Variants in RHOT1 observed in about 807,000 individuals in gnomAD.
RHOT1 encodes the protein ras homolog family member T1.
In RHOT1, 27 loss-of-function variants were observed where a neutral mutation model predicts 95.3. The ratio of observed to expected loss-of-function variants is 0.28; its 90% CI spans 0.21 to 0.39. The LOEUF (loss-of-function observed/expected upper bound fraction) is 0.39. Ranked by LOEUF, RHOT1 falls within the 10% of genes least tolerant of loss-of-function variation. The pLI, the probability that RHOT1 is intolerant of heterozygous loss-of-function variation, is 1.00. For missense variants in RHOT1, 578 were observed against 786.7 expected (o/e 0.73, Z 3.17); for synonymous variants, 227 against 263.5 (o/e 0.86, Z 1.34).
At chr17:32,183,583 T>C (rs536694899) in intron 8 of RHOT1, among the ~76,000 whole-genome samples, 3 of 152,340 alleles carry the variant, frequency 2.0e-5, no homozygotes, top group Admixed American at 2.0e-4. Flanking sequence ...GTTTTGCTAC[T>C]ATAAAATCTA....
rs535164756 is a variant in RHOT1, at chr17:32,148,436, C to G, written c.37+5707C>G. Among the ~76,000 whole-genome samples, 3 of 152,308 alleles carry G rather than the reference C, an allele frequency of 2.0e-5. No individual in the cohort carries two copies. The South Asian group carries it at 6.2e-4, about 32-fold the overall frequency. On this transcript the variant is annotated intron_variant, in intron 1 of 19. Transcript: ENST00000545287. ...CGTACAGAGTCCTTTCTATAACATC[C>G]TCACATATGTACTGAAACCTATTCT...
chr17:32,182,917 A>T (rs749139183), intron 7 of RHOT1, 52 bp downstream of exon 7: 7 of 1,230,220 alleles, frequency 5.7e-6, no homozygotes, highest in Non-Finnish European at 8.2e-6. Flanking sequence ...TTCTTACTAA[A>T]TTCGGGTTTT....
At chr17:32,202,497 T>C (rs1252583759) in intron 14 of RHOT1, among the ~76,000 whole-genome samples, 2 of 152,224 alleles carry the variant, frequency 1.3e-5, no homozygotes, top group Non-Finnish European at 2.9e-5. Context: ...TATGAAAATA[T>C]ACTATTTTAT....
At chr17:32,164,776 AGGATCGTT>A (rs2033892744) in intron 1 of RHOT1, among the ~76,000 whole-genome samples, 5 of 151,964 alleles carry the variant, frequency 3.3e-5, no homozygotes, top group Admixed American at 2.6e-4. Context: ...CTGAGGTGGG[AGGATCGTT>A]GATCCTGGAA....
intron 11 of RHOT1, among the ~76,000 whole-genome samples, chr17:32,196,053 C>T (rs953616857): frequency 1.5e-4 from 23 of 152,202 alleles, no homozygotes; most frequent in Non-Finnish European, 2.6e-4. Context: ...AGCTACTACA[C>T]GAATATTTCT....
At chr17:32,155,170 T>G (rs1053091267) in intron 1 of RHOT1, among the ~76,000 whole-genome samples, 1 of 152,182 alleles carries the variant, frequency 6.6e-6, no homozygotes, top group Admixed American at 6.5e-5. Flanking sequence ...TTCTCTTTTT[T>G]TTTGAGATGG....
intron 18 of RHOT1, among the ~76,000 whole-genome samples, chr17:32,209,948 T>TG (rs2038012352): frequency 6.7e-6 from 1 of 149,320 alleles, no homozygotes; most frequent in Admixed American, 6.6e-5. Flanking sequence ...TCAAAAAAAA[T>TG]GAAAAAAAAA....
rs1207929770 is a variant in RHOT1, at chr17:32,207,039, T to C, written c.1536+10T>C. 3 of 1,603,480 alleles carry C rather than the reference T, an allele frequency of 1.9e-6. No individual in the cohort carries two copies. The highest frequency in any genetic ancestry group is 1.7e-6 in the Non-Finnish European group (2 of 1,176,728). ...TGCCAGGATTTTTAAGGTTTGTTGC[T>C]CCTACAGACTATGACTGAATGTAAC... On this transcript the variant is annotated intron_variant, in intron 17 of 19. Coordinates refer to ENST00000545287, the MANE Select transcript of RHOT1 (RefSeq NM_001033566.3).
chr17:32,182,440 C>T (rs1048070785), intron 6 of RHOT1, among the ~76,000 whole-genome samples: 10 of 152,112 alleles, frequency 6.6e-5, no homozygotes, highest in African/African-American at 2.4e-4. Context: ...GAGCTGTGAT[C>T]CTGCCACTGC....
chr17:32,166,209 T>C (rs1161994793), intron 1 of RHOT1, among the ~76,000 whole-genome samples: 1 of 151,136 alleles, frequency 6.6e-6, no homozygotes, highest in East Asian at 1.9e-4. Flanking sequence ...AAAAAAGTTA[T>C]GTTCATACTA....
chr17:32,193,039 T>G, intron 9 of RHOT1, 97 bp from the exon 10 acceptor site: 1 of 713,682 alleles, frequency 1.4e-6, no homozygotes, highest in Non-Finnish European at 2.3e-6. Context: ...TTGGTTGCAA[T>G]TCATGGATTT....
chr17:32,150,869 G>T, intron 1 of RHOT1: 1 of 1,534,240 alleles, frequency 6.5e-7, no homozygotes, highest in Admixed American at 1.9e-5. Flanking sequence ...GAAACCACGG[G>T]AGAAAAAGCA....
At chr17:32,215,234 A>G (rs2038396513) in intron 19 of RHOT1, among the ~76,000 whole-genome samples, 1 of 152,154 alleles carries the variant, frequency 6.6e-6, no homozygotes, top group Admixed American at 6.5e-5. Flanking sequence ...GAATGTCTAC[A>G]AAGAATTAAA....
chr17:32,210,739 G>A (rs1449405159), intron 18 of RHOT1, among the ~76,000 whole-genome samples: 1 of 152,012 alleles, frequency 6.6e-6, no homozygotes, highest in Non-Finnish European at 1.5e-5. Flanking sequence ...AGCAAACTTT[G>A]TCCTTTTGGT....
At chr17:32,200,610 A>T (rs1471675363) in intron 13 of RHOT1, among the ~76,000 whole-genome samples, 7 of 152,010 alleles carry the variant, frequency 4.6e-5, no homozygotes, top group Non-Finnish European at 8.8e-5. Context: ...AAATTTTTTT[A>T]AATTAAAAAA....
chr17:32,175,483 A>T, intron 4 of RHOT1, 121 bp downstream of exon 4: 2 of 974,590 alleles, frequency 2.1e-6, no homozygotes, highest in Admixed American at 1.8e-5. Context: ...ACCGTGTTTC[A>T]CTCTGTCACC....
chr17:32,206,858 A>C, intron 16 of RHOT1, 52 bp from the exon 17 acceptor site: 1 of 1,268,574 alleles, frequency 7.9e-7, no homozygotes, highest in Non-Finnish European at 1.1e-6. Context: ...TCATGACTTA[A>C]TATATCAATA....
intron 1 of RHOT1, among the ~76,000 whole-genome samples, chr17:32,170,612 A>G (rs973983767): frequency 2.0e-5 from 3 of 152,304 alleles, no homozygotes; most frequent in East Asian, 1.9e-4. Flanking sequence ...AACAAAAACT[A>G]TGTACCCATT....
chr17:32,216,295 A>G (rs1436591832), intron 19 of RHOT1, among the ~76,000 whole-genome samples: 1 of 152,134 alleles, frequency 6.6e-6, no homozygotes, highest in Non-Finnish European at 1.5e-5. Context: ...GTTTTTGTGT[A>G]TAATCTCACC....
Sources: allele counts gnomAD v4.1 joint callset (sites outside exome capture counted in the v4.1 genomes callset), GRCh38; gene constraint gnomAD v4.1.1; transcripts MANE v1.5; gene names NCBI Gene and HGNC (gene_info 2026-07-23, HGNC 2026-07-21).